Variants in EPDR1 observed in about 807,000 individuals in gnomAD.
The protein encoded by EPDR1 is ependymin related 1, also known as mammalian ependymin-related protein 1.
Under a neutral mutation model 23.7 loss-of-function variants are expected in EPDR1, and 27 were observed. The observed-to-expected ratio is 1.14, with a 90% CI of 0.84 to 1.57. The LOEUF (loss-of-function observed/expected upper bound fraction) is 1.57. Among genes scored for constraint, EPDR1 ranks in the 40% most tolerant of loss-of-function variants. The probability of loss-of-function intolerance (pLI) is 0.00; values close to 1 mark genes in which losing one functional copy is unlikely to be tolerated. For missense variants in EPDR1, 349 were observed against 290.4 expected, an observed-to-expected ratio of 1.20 and a Z score of -1.47; for synonymous variants, 137 against 118.2, an observed-to-expected ratio of 1.16 and a Z score of -1.03.
At position 37,921,084 on chromosome 7, in the gene EPDR1, G is replaced by C; in HGVS notation, c.145G>C (p.Glu49Gln). 1 of 1,580,398 alleles carries C rather than the reference G, an allele frequency of 6.3e-7. No individual in the cohort carries two copies. The highest frequency in any genetic ancestry group is 8.5e-7 in the Non-Finnish European group (1 of 1,170,118). The change falls in exon 1 of 3, where the codon GAG (glutamate) becomes CAG (glutamine). Residue 49 changes from glutamate to glutamine, a missense_variant. Glu to Gln is a conservative substitution (Grantham distance 29). Transcript: ENST00000199448. ...PRPCQAPQQW[E>Q]GRQVMYQQSS... Reference sequence around the variant, plus strand: ...CCCGTGCCAGGCGCCGCAGCAGTGGGAGGGGCGCCAGGTTATGTACCAGCA... The same window carrying C: ...CCCGTGCCAGGCGCCGCAGCAGTGGCAGGGGCGCCAGGTTATGTACCAGCA...
At chr7:37,929,322 T>C (rs1562857947) in intron 1 of EPDR1, among the ~76,000 whole-genome samples, 1 of 152,194 alleles carries the variant, frequency 6.6e-6, no homozygotes, top group Non-Finnish European at 1.5e-5. Flanking sequence ...GGGTTTTGTA[T>C]GGTTGTTGCT....
Position 37,926,411 on chromosome 7 carries a change from A to T in EPDR1, c.269+5203A>T, listed in dbSNP as rs78846494. On this transcript the variant is annotated intron_variant, in intron 1 of 2. Transcript: ENST00000199448. ...AAAGTCAGGAGATTAACACCAGTTC[A>T]TTTTGACCATCTGAAATTCAGGTGT... 4.8e-3 allele frequency among the ~76,000 whole-genome samples: 667 copies of T among 138,754 alleles called. 2 individuals are homozygous for T. Among genetic ancestry groups the T allele is most frequent in the Admixed American group, 7.4e-3 (90 of 12,148 alleles). 91.0% of individuals were successfully genotyped at this position (138,754 alleles called of 152,430 possible).
chr7:37,931,531 A>T (rs976042077), intron 1 of EPDR1, among the ~76,000 whole-genome samples: 4 of 151,988 alleles, frequency 2.6e-5, no homozygotes, highest in Non-Finnish European at 4.4e-5. Context: ...ATAAATAAAA[A>T]AAATAAAAAA....
chr7:37,929,022 A>T (rs1785875955), intron 1 of EPDR1, among the ~76,000 whole-genome samples: 1 of 151,820 alleles, frequency 6.6e-6, no homozygotes, highest in African/African-American at 2.4e-5. Context: ...CCTTTTCCCT[A>T]CCTTATCTCT....
chr7:37,945,829 G>A (rs1159701313), intron 1 of EPDR1, among the ~76,000 whole-genome samples: 1 of 152,148 alleles, frequency 6.6e-6, no homozygotes, highest in Admixed American at 6.5e-5. Flanking sequence ...CCATCACCTA[G>A]GTATTAAGCC....
intron 1 of EPDR1, among the ~76,000 whole-genome samples, chr7:37,927,533 C>T (rs1244287932): frequency 6.6e-6 from 1 of 152,194 alleles, no homozygotes; most frequent in African/African-American, 2.4e-5. Context: ...GCCTATCTTC[C>T]TTGGTCCTAC....
At chr7:37,925,716 T>C (rs1785798404) in intron 1 of EPDR1, among the ~76,000 whole-genome samples, 1 of 152,204 alleles carries the variant, frequency 6.6e-6, no homozygotes, top group Admixed American at 6.5e-5. Flanking sequence ...TCTTTTAATT[T>C]AATTTGAATG....
rs58224136 is a variant in EPDR1, at chr7:37,950,895, C to A, written c.*499C>A. The A allele has an allele frequency of 0.15, 22,952 of 152,728 alleles. 1,845 individuals carry two copies. Among genetic ancestry groups the A allele is most frequent in the African/African-American group, 0.22 (9,030 of 41,516 alleles). The allele number at this position is 152,728 out of a possible 1,614,324, so 9.5% of individuals were successfully genotyped here. A position where few individuals can be genotyped will look rare whatever the true frequency, so the allele number is the denominator to read the frequency against. On this transcript the variant is annotated 3_prime_UTR_variant, in exon 3 of 3. Coordinates refer to ENST00000199448, the MANE Select transcript of EPDR1 (RefSeq NM_017549.5). ...TTGGCATTGCTCCCACTGAGCCCTA[C>A]TCCACCCTGTCCCTGCACTCCCTTG...
chr7:37,920,930 G>T lies in EPDR1; in HGVS notation c.-10G>T. ...TGGGCTTGCCCTCGGGCCGGGGAAG[G>T]CTGACCGCGATGCCAGGACGCGCTC... On this transcript the variant is annotated 5_prime_UTR_variant, in exon 1 of 3. Coordinates refer to ENST00000199448, the MANE Select transcript of EPDR1 (RefSeq NM_017549.5). The T allele has an allele frequency of 6.2e-7, 1 of 1,609,340 alleles. No individual in the cohort carries two copies. The highest frequency in any genetic ancestry group is 8.5e-7 in the Non-Finnish European group (1 of 1,178,618).
At chr7:37,942,024 G>A (rs1219783422) in intron 1 of EPDR1, among the ~76,000 whole-genome samples, 1 of 152,064 alleles carries the variant, frequency 6.6e-6, no homozygotes, top group Non-Finnish European at 1.5e-5. Context: ...AGAAAAATTA[G>A]ATTTATCTTT....
intron 1 of EPDR1, among the ~76,000 whole-genome samples, chr7:37,933,284 A>G (rs1024996482): frequency 6.6e-6 from 1 of 152,228 alleles, no homozygotes; most frequent in African/African-American, 2.4e-5. Context: ...TTTTTTCCAT[A>G]AAAGCCAAAG....
chr7:37,946,519 A>T (rs983899848), intron 1 of EPDR1, among the ~76,000 whole-genome samples: 2 of 152,194 alleles, frequency 1.3e-5, no homozygotes, highest in African/African-American at 4.8e-5. Flanking sequence ...TGTTGGCCAC[A>T]TGTATGTAAT....
chr7:37,950,251 A>C lies in EPDR1; in HGVS notation c.530A>C (p.Glu177Ala). 1 of 1,614,158 alleles carries C rather than the reference A, an allele frequency of 6.2e-7. No homozygotes were observed. Among genetic ancestry groups the C allele is most frequent in the Middle Eastern group, 1.6e-4 (1 of 6,062 alleles). ...GTCAAGGATTGCTATCCTGTCCAGGAAACCTTTACCATAAACTACAGTGTG... is the reference window on the plus strand; with the variant it reads ...GTCAAGGATTGCTATCCTGTCCAGGCAACCTTTACCATAAACTACAGTGTG... Reference protein sequence around the residue: ...YTVKDCYPVQETFTINYSVIL... With the variant: ...YTVKDCYPVQATFTINYSVIL... The change falls in exon 3 of 3, where the codon GAA (glutamate) becomes GCA (alanine). Residue 177 changes from glutamate (E) to alanine (A), a missense_variant. By Grantham distance (107) the Glu-to-Ala change is moderately radical. Coordinates refer to ENST00000199448, the MANE Select transcript of EPDR1 (RefSeq NM_017549.5).
chr7:37,946,586 A>G (rs1000657248), intron 1 of EPDR1, among the ~76,000 whole-genome samples: 1 of 152,190 alleles, frequency 6.6e-6, no homozygotes, highest in South Asian at 2.1e-4. Flanking sequence ...CATAAAAGGT[A>G]ACTGTGAAAC....
intron 1 of EPDR1, chr7:37,926,839 T>A (rs1417871845): frequency 2.6e-6 from 1 of 379,968 alleles, no homozygotes; most frequent in East Asian, 7.3e-5. Context: ...TTTAAAACCA[T>A]GTACATATCC....
chr7:37,948,265 G>T (rs1325292868), intron 1 of EPDR1, among the ~76,000 whole-genome samples: 1 of 151,884 alleles, frequency 6.6e-6, no homozygotes, highest in African/African-American at 2.4e-5. Flanking sequence ...CCCCATGTTT[G>T]TATGCTAAGC....
intron 1 of EPDR1, among the ~76,000 whole-genome samples, chr7:37,937,602 A>T (rs1786080081): frequency 6.6e-6 from 1 of 152,180 alleles, no homozygotes; most frequent in Non-Finnish European, 1.5e-5. Context: ...ACTATTATGA[A>T]AGGAGGTGAA....
chr7:37,943,911 C>G (rs761282997), intron 1 of EPDR1, among the ~76,000 whole-genome samples: 4 of 152,162 alleles, frequency 2.6e-5, no homozygotes, highest in Non-Finnish European at 5.9e-5. Context: ...CCCTGCTGTC[C>G]CCTGCCCTTC....
Position 37,920,966 on chromosome 7 carries a change from C to G in EPDR1, c.27C>G (p.Thr9=). ...TGCCAGGACGCGCTCCCCTCCGCAC[C>G]GTCCCGGGCGCCCTGGGTGCCTGGC... is the stretch of plus-strand genomic sequence containing the variant. MPGRAPLR[T]VPGALGAWLL... The change falls in exon 1 of 3, where the codon ACC becomes ACG. Residue 9 remains threonine, a synonymous_variant. Coordinates refer to ENST00000199448, the MANE Select transcript of EPDR1 (RefSeq NM_017549.5). 2 of 1,571,280 alleles carry G rather than the reference C, an allele frequency of 1.3e-6. No homozygotes were observed. Among genetic ancestry groups the G allele is most frequent in the Non-Finnish European group, 1.7e-6 (2 of 1,161,238 alleles).
Sources: gnomAD v4.1 joint callset for allele counts (sites outside exome capture counted in the v4.1 genomes callset) on GRCh38, gnomAD v4.1.1 for gene constraint, MANE v1.5 for transcripts, NCBI Gene and HGNC (gene_info 2026-07-23, HGNC 2026-07-21) for gene names.